The following BTAF1 variants were observed in gnomAD, a reference collection of about 807,000 sequenced individuals.
BTAF1 encodes B-TFIID TATA-box binding protein associated factor 1, also known as TATA-binding protein-associated factor 172.
A neutral mutation model predicts 227.1 loss-of-function variants in BTAF1; 38 were observed. The ratio of observed to expected loss-of-function variants is 0.17; its 90% confidence interval spans 0.13 to 0.22. The LOEUF is 0.22. BTAF1 is among the 10% of genes least tolerant of loss of function. BTAF1 has a pLI of 1.00. For synonymous variants in BTAF1, 742 were observed against 751.9 expected (o/e 0.99, Z 0.21); for missense variants, 1,598 against 2,204.0 (o/e 0.73, Z 5.51).
intron 25 of BTAF1, among the ~76,000 whole-genome samples, chr10:92,005,114 A>G (rs1849791916): frequency 6.6e-6 from 1 of 152,082 alleles, no homozygotes; most frequent in South Asian, 2.1e-4. Context: ...TGCCAACATC[A>G]TACAGTTTTG....
intron 12 of BTAF1, 103 bp downstream of exon 12, chr10:91,962,781 AT>A (rs376703739): frequency 9.7e-3 from 8,673 of 893,970 alleles, no homozygotes; most frequent in South Asian, 0.017. Context: ...TTCATCTTCA[AT>A]TTTTTTTTTT....
chr10:92,031,083 G>C lies in BTAF1; in HGVS notation c.*2150G>C, dbSNP rs1008530722. 2.0e-5 allele frequency among the ~76,000 whole-genome samples: 3 copies of C among 152,100 alleles called. No homozygotes were observed. The highest frequency in any genetic ancestry group is 4.4e-5 in the Non-Finnish European group (3 of 68,000). On this transcript the variant is annotated 3_prime_UTR_variant, in exon 38 of 38. Transcript: ENST00000265990. ...ATAGAATGTTAACTATTTTAAACTG[G>C]GAATTGGGTTCATAGATATCCATTG...
intron 20 of BTAF1, among the ~76,000 whole-genome samples, chr10:91,991,793 G>A (rs61876487): frequency 1.3e-4 from 11 of 83,466 alleles, no homozygotes; most frequent in East Asian, 9.8e-4. Context: ...GTGTGTGTGT[G>A]TGTGTATATA....
intron 32 of BTAF1, 21 bp downstream of exon 32, chr10:92,014,050 CATTG>C (rs1178972954): frequency 1.2e-6 from 2 of 1,600,288 alleles, no homozygotes; most frequent in Admixed American, 3.5e-5. Context: ...TCGTGTTTAT[CATTG>C]TTAGTGGTAT....
At chr10:91,948,696 T>C (rs1264718194) in intron 4 of BTAF1, among the ~76,000 whole-genome samples, 2 of 131,668 alleles carry the variant, frequency 1.5e-5, no homozygotes, top group African/African-American at 5.1e-5. Context: ...ACTTCTTTTT[T>C]ATTAAAAAAA....
At chr10:92,023,445 T>C (rs1432475039) in intron 34 of BTAF1, among the ~76,000 whole-genome samples, 1 of 152,116 alleles carries the variant, frequency 6.6e-6, no homozygotes, top group Admixed American at 6.5e-5. Context: ...CCCAGCACTT[T>C]GGGAGACTGA....
intron 8 of BTAF1, among the ~76,000 whole-genome samples, chr10:91,958,297 C>A (rs1846239419): frequency 6.6e-6 from 1 of 152,120 alleles, no homozygotes; most frequent in Admixed American, 6.5e-5. Flanking sequence ...CTCAAGTGAT[C>A]TGCCCACCTG....
At chr10:91,998,108 C>T (rs1389006279) in intron 25 of BTAF1, among the ~76,000 whole-genome samples, 5 of 130,768 alleles carry the variant, frequency 3.8e-5, no homozygotes, top group East Asian at 2.2e-4. Flanking sequence ...GTATCCTGGG[C>T]GACAGCGAGA....
chr10:91,982,358 GA>G, intron 17 of BTAF1, 133 bp downstream of exon 17: 1 of 1,249,314 alleles, frequency 8.0e-7, no homozygotes, highest in South Asian at 1.5e-5. Flanking sequence ...ATAGCCTAAG[GA>G]AAAATTAGAG....
intron 37 of BTAF1, among the ~76,000 whole-genome samples, chr10:92,027,727 C>T (rs1362750603): frequency 6.7e-6 from 1 of 150,262 alleles, no homozygotes; most frequent in Non-Finnish European, 1.5e-5. Flanking sequence ...TGTAGATTCT[C>T]AATAAATAGT....
Position 91,934,579 on chromosome 10 carries a change from A to G in BTAF1, c.15-1078A>G, listed in dbSNP as rs1207204119. On this transcript the variant is annotated intron_variant, in intron 1 of 37. Coordinates refer to ENST00000265990, the MANE Select transcript of BTAF1 (RefSeq NM_003972.3). ...CATGTATCACACTGCTGCCAGATTA[A>G]TCTTCCTAAAGCATAGTTTCAGTTC... Among the ~76,000 whole-genome samples the G allele has an allele frequency of 2.6e-5, 4 of 152,198 alleles. No homozygotes were observed. In the East Asian group the frequency reaches 7.7e-4, roughly 29 times the overall value.
In BTAF1 at chr10:91,989,484, A is replaced by T; in HGVS notation, c.2758A>T (p.Ile920Phe). 1 of 1,613,978 alleles carries T rather than the reference A, an allele frequency of 6.2e-7. No individual in the cohort carries two copies. The highest frequency in any genetic ancestry group is 8.5e-7 in the Non-Finnish European group (1 of 1,180,044). The stretch of plus-strand genomic sequence containing the variant: ...GACGCCCTGTCCCAATTCAAAAATT[A>T]TTAAAAACCTCTGTAGCTCACTTTG... Reference protein sequence around the residue: ...TRTPCPNSKIIKNLCSSLCVD... With the variant: ...TRTPCPNSKIFKNLCSSLCVD... The change falls in exon 20 of 38, where the codon ATT becomes TTT. Residue 920 changes from isoleucine (I) to phenylalanine (F), a missense_variant. Around this residue, in one of 10 missense-constraint regions of BTAF1, gnomAD observed 425 missense variants for 491.2 expected, o/e 0.87. Coordinates refer to ENST00000265990, the MANE Select transcript of BTAF1 (RefSeq NM_003972.3).
chr10:91,989,046 G>T, intron 19 of BTAF1, 108 bp from the exon 20 acceptor site: 1 of 1,010,786 alleles, frequency 9.9e-7, no homozygotes, highest in Non-Finnish European at 1.4e-6. Context: ...ATTACATATT[G>T]TGGAAACCAA....
intron 8 of BTAF1, 66 bp downstream of exon 8, chr10:91,957,359 A>C: frequency 7.5e-7 from 1 of 1,333,894 alleles, no homozygotes; most frequent in Non-Finnish European, 1.1e-6. Flanking sequence ...AACAATGTCA[A>C]GAGCAATATA....
At chr10:91,964,445 G>A (rs1027549687) in intron 13 of BTAF1, among the ~76,000 whole-genome samples, 8 of 151,562 alleles carry the variant, frequency 5.3e-5, no homozygotes, top group African/African-American at 1.9e-4. Context: ...CGTCTTGTTC[G>A]TCTTATAATT....
Position 92,027,152 on chromosome 10 carries a change from G to A in BTAF1, c.5258G>A (p.Arg1753Gln). The change falls in exon 37 of 38, where the codon CGA becomes CAA. Residue 1753 changes from arginine (R) to glutamine (Q), a missense_variant. Arg to Gln is a conservative substitution (Grantham distance 43). Transcript: ENST00000265990. ...CAGAAACGTGTGGTTAACGTATACC[G>A]ATTGATAACCAGAGGAACATTGGAA... ...IGQKRVVNVY[R>Q]LITRGTLEEK... is the part of the protein sequence containing the mutation. 1 of 1,613,596 alleles carries A rather than the reference G, an allele frequency of 6.2e-7. No individual in the cohort carries two copies. The highest frequency in any genetic ancestry group is 8.5e-7 in the Non-Finnish European group (1 of 1,179,796).
chr10:91,940,188 G>A (rs573268838), intron 3 of BTAF1, 122 bp downstream of exon 3: 1 of 532,592 alleles, frequency 1.9e-6, no homozygotes, highest in African/African-American at 1.9e-5. Context: ...TTTAGGTACA[G>A]CTTTGTCAGG....
At chr10:91,983,369 A>C (rs1017210862) in intron 18 of BTAF1, among the ~76,000 whole-genome samples, 1 of 152,224 alleles carries the variant, frequency 6.6e-6, no homozygotes, top group Non-Finnish European at 1.5e-5. Context: ...GGAATTCTGG[A>C]AATTTAACTG....
intron 1 of BTAF1, among the ~76,000 whole-genome samples, chr10:91,926,142 A>T (rs906972895): frequency 6.6e-6 from 1 of 152,186 alleles, no homozygotes; most frequent in Non-Finnish European, 1.5e-5. Flanking sequence ...TCCATGCACG[A>T]AGCACAGTTC....
Sources: allele counts gnomAD v4.1 joint callset (sites outside exome capture counted in the v4.1 genomes callset), GRCh38; gene constraint gnomAD v4.1.1; regional missense constraint gnomAD v4.1.1; transcripts MANE v1.5; gene names NCBI Gene and HGNC (gene_info 2026-07-23, HGNC 2026-07-21).